LPP: variants seen among roughly 807,000 people sequenced by gnomAD.
LPP encodes LIM domain containing preferred translocation partner in lipoma, also known as lipoma-preferred partner.
In LPP, 38 loss-of-function variants were observed where a neutral mutation model predicts 60.4. The observed-to-expected ratio is 0.63, with a 90% CI of 0.49 to 0.83. The LOEUF (loss-of-function observed/expected upper bound fraction) is 0.83. Ranked by LOEUF, LPP falls within the 40% of genes least tolerant of loss-of-function variation. LPP has a pLI of 0.00. For missense variants in LPP, 902 were observed against 783.6 expected, an observed-to-expected ratio of 1.15 and a Z score of -1.80; for synonymous variants, 328 against 290.8, an observed-to-expected ratio of 1.13 and a Z score of -1.30.
chr3:188,731,534 T>TTG (rs1229502091), intron 8 of LPP, among the ~76,000 whole-genome samples: 41 of 152,032 alleles, frequency 2.7e-4, no homozygotes, highest in African/African-American at 9.9e-4. Context: ...TTGTTTTGTT[T>TTG]TGTTTTGAGA....
At chr3:188,518,086 G>A (rs1026228733) in intron 5 of LPP, among the ~76,000 whole-genome samples, 1 of 152,102 alleles carries the variant, frequency 6.6e-6, no homozygotes, top group Non-Finnish European at 1.5e-5. Flanking sequence ...CATGCTTCCT[G>A]TACAGCCTGC....
intron 3 of LPP, among the ~76,000 whole-genome samples, chr3:188,344,300 C>T (rs759082298): frequency 9.2e-5 from 14 of 152,124 alleles, no homozygotes; most frequent in Non-Finnish European, 7.4e-5. Flanking sequence ...AATCAGTTAC[C>T]GTTTTTTGAA....
chr3:188,688,088 A>G (rs6791449), intron 7 of LPP, among the ~76,000 whole-genome samples: 3 of 152,042 alleles, frequency 2.0e-5, no homozygotes, highest in Non-Finnish European at 2.9e-5. Context: ...GAGGCACTGC[A>G]TGCCAAATGA....
chr3:188,732,501 T>C (rs1720972255), intron 8 of LPP, among the ~76,000 whole-genome samples: 1 of 152,132 alleles, frequency 6.6e-6, no homozygotes, highest in African/African-American at 2.4e-5. Flanking sequence ...CTCACGCCTG[T>C]AATCCCAGCG....
At chr3:188,621,732 C>G (rs1845840355) in intron 7 of LPP, among the ~76,000 whole-genome samples, 7 of 152,092 alleles carry the variant, frequency 4.6e-5, no homozygotes, top group Admixed American at 4.6e-4. Context: ...GCAGTCTTGG[C>G]TTACTATAAC....
rs1304370913 is a variant in LPP at position 188,881,881 on chromosome 3, T to C, written c.*7402T>C. The C allele has an allele frequency of 4.6e-6, 1 of 216,120 alleles. No individual in the cohort carries two copies. The highest frequency in any genetic ancestry group is 9.3e-6 in the Non-Finnish European group (1 of 107,354). The allele number at this position is 216,120 out of a possible 1,614,324, so 13.4% of individuals were successfully genotyped here. A position where few individuals can be genotyped will look rare whatever the true frequency, so the allele number is the denominator to read the frequency against. On this transcript the variant is annotated 3_prime_UTR_variant, in exon 12 of 12. Transcript: ENST00000617246. ...ACATAAATATTTGCTGGTTGATTGATTTCGAGATTCATTCATTCTGTGCTC... is the reference window on the plus strand; with the variant it reads ...ACATAAATATTTGCTGGTTGATTGACTTCGAGATTCATTCATTCTGTGCTC...
At chr3:188,716,274 T>A (rs1713958867) in intron 8 of LPP, among the ~76,000 whole-genome samples, 1 of 152,210 alleles carries the variant, frequency 6.6e-6, no homozygotes, top group Admixed American at 6.5e-5. Context: ...TGCTAAGCCT[T>A]GAGAGAAGAA....
chr3:188,410,463 T>C (rs1784636189), intron 4 of LPP, among the ~76,000 whole-genome samples: 2 of 152,236 alleles, frequency 1.3e-5, no homozygotes, highest in African/African-American at 2.4e-5. Flanking sequence ...TACCCATATT[T>C]ATAATTTCTT....
At chr3:188,296,570 A>G (rs1747967373) in intron 2 of LPP, among the ~76,000 whole-genome samples, 1 of 152,182 alleles carries the variant, frequency 6.6e-6, no homozygotes. Context: ...TCCCAGCTCC[A>G]CTTGCTGTTC....
At chr3:188,860,054 A>T (rs563678470) in intron 9 of LPP, among the ~76,000 whole-genome samples, 1 of 152,002 alleles carries the variant, frequency 6.6e-6, no homozygotes, top group Non-Finnish European at 1.5e-5. Flanking sequence ...TAGACAAAGG[A>T]CATTAGAAAG....
chr3:188,696,808 A>G (rs1863337843), intron 7 of LPP, among the ~76,000 whole-genome samples: 1 of 152,126 alleles, frequency 6.6e-6, no homozygotes, highest in Non-Finnish European at 1.5e-5. Context: ...TCTCCTTCAT[A>G]TACCTTGATT....
Position 188,876,189 on chromosome 3 carries a change from G to A in LPP, c.*1710G>A, listed in dbSNP as rs3732906. 1.3e-4 allele frequency: 25 copies of A among 185,984 alleles called. No homozygotes were observed. The East Asian group carries it at 2.1e-3, about 16-fold the overall frequency. The allele number at this position is 185,984 out of a possible 1,614,324, so 11.5% of individuals were successfully genotyped here. ...AACTGAAATAAAAAATTATGGATAC[G>A]TGTTTTGAATTGCAAACTATTCCTC... On this transcript the variant is annotated 3_prime_UTR_variant, in exon 12 of 12. Coordinates refer to ENST00000617246, the MANE Select transcript of LPP (RefSeq NM_001375462.1).
rs112468971 is a variant in LPP, at chr3:188,623,258, CT to C, written c.1113+13431del. Reference sequence around the variant, plus strand: ...TAGCCTCAAAAAGTCTATGAAGATACTTTTTTTTTTTTTTTTTGAAAGAGAG... The same window carrying C: ...TAGCCTCAAAAAGTCTATGAAGATACTTTTTTTTTTTTTTTTGAAAGAGAG... On this transcript the variant is annotated intron_variant, in intron 7 of 11. Transcript: ENST00000617246. Among the ~76,000 whole-genome samples the C allele has an allele frequency of 6.2e-3, 847 of 135,942 alleles. 6 individuals carry two copies. The highest frequency in any genetic ancestry group is 0.019 in the African/African-American group (713 of 36,592). The allele number at this position is 135,942 out of a possible 152,430, so 89.2% of individuals were successfully genotyped here.
chr3:188,464,100 C>T (rs1385494461), intron 4 of LPP, among the ~76,000 whole-genome samples: 3 of 152,076 alleles, frequency 2.0e-5, no homozygotes, highest in Non-Finnish European at 4.4e-5. Context: ...AATGGAAAAG[C>T]AGGTATGTGT....
intron 3 of LPP, among the ~76,000 whole-genome samples, chr3:188,371,038 T>C (rs185367712): frequency 1.6e-4 from 25 of 152,272 alleles, no homozygotes; most frequent in Non-Finnish European, 2.8e-4. Flanking sequence ...AATTAACTCT[T>C]GGAGCCCAAA....
intron 1 of LPP, among the ~76,000 whole-genome samples, chr3:188,176,208 G>A (rs1466359627): frequency 2.0e-5 from 3 of 152,008 alleles, no homozygotes; most frequent in East Asian, 1.9e-4. Flanking sequence ...TAAATCAGGC[G>A]GGACCCCTGA....
At chr3:188,197,157 G>A (rs575164752) in intron 1 of LPP, among the ~76,000 whole-genome samples, 1 of 152,300 alleles carries the variant, frequency 6.6e-6, no homozygotes, top group East Asian at 1.9e-4. Context: ...AGGTAGGGAT[G>A]GGAGCATGGA....
intron 3 of LPP, among the ~76,000 whole-genome samples, chr3:188,374,096 C>T (rs7634046): frequency 0.042 from 6,455 of 152,042 alleles, 467 homozygotes; most frequent in African/African-American, 0.15. Context: ...TACCATGCTG[C>T]TTTGGTTACT....
rs11286024 is a variant in LPP, at chr3:188,459,839, T to TG, written c.194-24744dup. On this transcript the variant is annotated intron_variant, in intron 4 of 11. Coordinates refer to ENST00000617246, the MANE Select transcript of LPP (RefSeq NM_001375462.1). ...CTTAGCAATCTATATTGATTATTCA[T>TG]GGGGGGGGGTTCTTTGTTCTGAGAT... is the stretch of plus-strand genomic sequence containing the variant. Among the ~76,000 whole-genome samples, 791 of 151,298 alleles carry TG rather than the reference T, an allele frequency of 5.2e-3. 4 individuals are homozygous for TG. The highest frequency in any genetic ancestry group is 0.011 in the East Asian group (57 of 5,148).
Sources: gnomAD v4.1 joint callset for allele counts (sites outside exome capture counted in the v4.1 genomes callset) on GRCh38, gnomAD v4.1.1 for gene constraint, MANE v1.5 for transcripts, NCBI Gene and HGNC (gene_info 2026-07-23, HGNC 2026-07-21) for gene names.